The following ST3GAL6 variants were observed in gnomAD, a reference collection of about 807,000 sequenced individuals.
ST3GAL6 encodes ST3 beta-galactoside alpha-2,3-sialyltransferase 6.
A neutral mutation model predicts 40.5 loss-of-function variants in ST3GAL6; 31 were observed. The observed-to-expected ratio is 0.77, with a 90% CI of 0.58 to 1.03. The LOEUF (loss-of-function observed/expected upper bound fraction) is 1.03. Among genes scored for constraint, ST3GAL6 ranks in the 50% least tolerant of loss-of-function variants. The pLI is 0.00. For synonymous variants in ST3GAL6, 129 were observed against 136.9 expected, an observed-to-expected ratio of 0.94 and a Z score of 0.40; for missense variants, 357 against 393.2, an observed-to-expected ratio of 0.91 and a Z score of 0.78.
In ST3GAL6 at chr3:98,793,983, GT is replaced by G. The variant is rs1941415348; in HGVS notation, c.*227del. On this transcript the variant is annotated 3_prime_UTR_variant, in exon 10 of 10. Transcript: ENST00000483910. The stretch of plus-strand genomic sequence containing the variant: ...CAGGAAAATAAGTTTTGATTGCATT[GT>G]TTTTAAAATAAGCTAGTTTTCTGAG... 5.9e-6 allele frequency: 2 copies of G among 336,162 alleles called. No individual in the cohort carries two copies. The highest frequency in any genetic ancestry group is 5.4e-6 in the Non-Finnish European group (1 of 186,024). The allele number at this position is 336,162 out of a possible 1,614,324, so 20.8% of individuals were successfully genotyped here.
upstream of ST3GAL6, among the ~76,000 whole-genome samples, chr3:98,761,103 G>A (rs1041528740): frequency 5.3e-5 from 8 of 152,148 alleles, no homozygotes; most frequent in African/African-American, 1.9e-4. Context: ...GAACTTTTGA[G>A]GTTGATGACA....
intron 2 of ST3GAL6, chr3:98,770,527 T>G: frequency 5.2e-6 from 1 of 191,878 alleles, no homozygotes. Context: ...TTGGGGTGAG[T>G]TTCGGTTTCT....
At position 98,788,233 on chromosome 3, in the gene ST3GAL6, A is replaced by G. The variant is rs1940910399; in HGVS notation, c.618+11A>G. On this transcript the variant is annotated intron_variant, in intron 7 of 9. Coordinates refer to ENST00000483910, the MANE Select transcript of ST3GAL6 (RefSeq NM_001323368.2). ...ATGGGTGACAAAATAGTAAGTAGGC[A>G]AAATTGTTCTGCCTTCAGATTACCT... 1 of 1,604,482 alleles carries G rather than the reference A, an allele frequency of 6.2e-7. No individual in the cohort carries two copies. Among genetic ancestry groups the G allele is most frequent in the African/African-American group, 1.3e-5 (1 of 74,532 alleles).
At chr3:98,742,463 C>T (rs1186569831) in intron 1 of ST3GAL6, among the ~76,000 whole-genome samples, 3 of 152,076 alleles carry the variant, frequency 2.0e-5, no homozygotes, top group Admixed American at 2.0e-4. Context: ...TTTAATTAGC[C>T]TGAAAGTGGA....
intron 1 of ST3GAL6, chr3:98,732,909 G>A: frequency 6.6e-7 from 1 of 1,508,500 alleles, no homozygotes; most frequent in South Asian, 1.2e-5. Flanking sequence ...TGGAGCAGCG[G>A]CCCCTCAGGT....
intron 1 of ST3GAL6, among the ~76,000 whole-genome samples, chr3:98,764,181 C>A (rs1206169018): frequency 6.6e-6 from 1 of 152,162 alleles, no homozygotes; most frequent in Non-Finnish European, 1.5e-5. Flanking sequence ...ATGACAAAAA[C>A]CACAATTACT....
intron 1 of ST3GAL6, chr3:98,732,715 T>G: frequency 2.3e-5 from 17 of 747,214 alleles, no homozygotes; most frequent in Admixed American, 4.0e-5. Flanking sequence ...TCGCCCGGGA[T>G]TGGGGCTGGC....
rs1474366306 is a variant in ST3GAL6, at chr3:98,788,084, GACA to G, written c.483_485del (p.Thr162del). 1 of 1,613,932 alleles carries G rather than the reference GACA, an allele frequency of 6.2e-7. No individual in the cohort carries two copies. Among genetic ancestry groups the G allele is most frequent in the East Asian group, 2.2e-5 (1 of 44,854 alleles). ...GACATGAAGAAGAAGTTGGGAGAAG[GACA>G]ACCTTCCGACTTTTTTATCCAGAAT... On this transcript the variant is annotated inframe_deletion, in exon 7 of 10. Transcript: ENST00000483910.
intron 9 of ST3GAL6, 44 bp from the exon 10 acceptor site, chr3:98,793,631 T>G: frequency 1.5e-4 from 199 of 1,327,488 alleles, no homozygotes; most frequent in Non-Finnish European, 1.8e-4. Flanking sequence ...GCTAATACTT[T>G]GAGATTGGGA....
chr3:98,784,913 C>T, intron 5 of ST3GAL6, 32 bp from the exon 6 acceptor site: 1 of 1,548,076 alleles, frequency 6.5e-7, no homozygotes, highest in East Asian at 2.3e-5. Flanking sequence ...TAAAAGATGG[C>T]TCAATCTCTC....
At chr3:98,786,209 G>C (rs1223691747) in intron 6 of ST3GAL6, among the ~76,000 whole-genome samples, 1 of 152,122 alleles carries the variant, frequency 6.6e-6, no homozygotes, top group Non-Finnish European at 1.5e-5. Context: ...GACTGGGTGA[G>C]ATTTCCCAAG....
intron 1 of ST3GAL6, among the ~76,000 whole-genome samples, chr3:98,748,334 T>C (rs966387977): frequency 1.3e-5 from 2 of 152,224 alleles, no homozygotes; most frequent in Admixed American, 1.3e-4. Context: ...AGTCTCCTTT[T>C]CTGTAGAGTC....
Position 98,785,039 on chromosome 3 carries a change from AG to A in ST3GAL6, c.431+1del. On this transcript the variant is annotated frameshift_variant and splice_region_variant, in exon 6 of 10. Transcript: ENST00000483910. LOFTEE classifies it high-confidence loss of function. ...EKIDSYDVII[R>X]MNNGPVLGHE... ...AATCGACTCCTATGATGTAATAATA[AG>A]GTAAATATATTTTCTATTTGCTACC... The A allele has an allele frequency of 1.9e-6, 3 of 1,578,638 alleles. No individual in the cohort carries two copies. Among genetic ancestry groups the A allele is most frequent in the Non-Finnish European group, 2.6e-6 (3 of 1,148,418 alleles).
At chr3:98,786,821 T>C (rs1185470355) in intron 6 of ST3GAL6, among the ~76,000 whole-genome samples, 1 of 151,940 alleles carries the variant, frequency 6.6e-6, no homozygotes, top group African/African-American at 2.4e-5. Flanking sequence ...TGGTTAATGT[T>C]TCATAATGGA....
chr3:98,738,435 G>A (rs903064582), intron 1 of ST3GAL6, among the ~76,000 whole-genome samples: 6 of 151,904 alleles, frequency 3.9e-5, no homozygotes, highest in Non-Finnish European at 7.4e-5. Context: ...CGCCACACCC[G>A]GCTGATTTTT....
chr3:98,746,686 TA>T (rs1936583272), intron 1 of ST3GAL6, among the ~76,000 whole-genome samples: 1 of 152,110 alleles, frequency 6.6e-6, no homozygotes, highest in Admixed American at 6.5e-5. Flanking sequence ...AAAACAAAAT[TA>T]TTTTTTTAAT....
intron 1 of ST3GAL6, among the ~76,000 whole-genome samples, chr3:98,756,088 T>A (rs1317652759): frequency 6.6e-6 from 1 of 152,124 alleles, no homozygotes; most frequent in East Asian, 1.9e-4. Flanking sequence ...CCAGGTTACT[T>A]GGGATTAATT....
intron 1 of ST3GAL6, chr3:98,756,261 T>C: frequency 2.2e-6 from 2 of 893,106 alleles, no homozygotes; most frequent in Non-Finnish European, 3.1e-6. Flanking sequence ...AGATCAGAAG[T>C]GAGTTTACTA....
chr3:98,736,614 T>C (rs1373581841), intron 1 of ST3GAL6, among the ~76,000 whole-genome samples: 1 of 152,172 alleles, frequency 6.6e-6, no homozygotes. Flanking sequence ...CTTTGGGTGA[T>C]ATTCCATGTG....
Sources: allele counts gnomAD v4.1 joint callset (sites outside exome capture counted in the v4.1 genomes callset), GRCh38; gene constraint gnomAD v4.1.1; transcripts MANE v1.5; gene names NCBI Gene and HGNC (gene_info 2026-07-23, HGNC 2026-07-21).